The following LHFPL3 variants were observed in gnomAD, a reference collection of about 807,000 sequenced individuals.
LHFPL3 encodes LHFPL tetraspan subfamily member 3 protein.
Under a neutral mutation model 19.3 loss-of-function variants are expected in LHFPL3, and 5 were observed. The observed-to-expected ratio is 0.26, with a 90% confidence interval of 0.14 to 0.54. LHFPL3 has a LOEUF of 0.54. Among genes scored for constraint, LHFPL3 ranks in the 20% least tolerant of loss-of-function variants. The pLI, the probability that LHFPL3 is intolerant of heterozygous loss-of-function variation, is 0.94. For missense variants in LHFPL3, 249 were observed against 307.4 expected (o/e 0.81, Z 1.42); for synonymous variants, 133 against 126.2 (o/e 1.05, Z -0.36).
At chr7:104,418,880 C>A (rs1791675631) in intron 1 of LHFPL3, among the ~76,000 whole-genome samples, 1 of 152,202 alleles carries the variant, frequency 6.6e-6, no homozygotes, top group Admixed American at 6.5e-5. Context: ...CTGTGTCAGG[C>A]ACCGTGCTAA....
intron 1 of LHFPL3, among the ~76,000 whole-genome samples, chr7:104,637,326 C>G (rs1419688074): frequency 6.6e-6 from 1 of 152,050 alleles, no homozygotes; most frequent in Non-Finnish European, 1.5e-5. Context: ...ACCATTCTAA[C>G]AGTTGTCTCT....
At chr7:104,771,265 T>G (rs1023686029) in intron 2 of LHFPL3, among the ~76,000 whole-genome samples, 1 of 152,186 alleles carries the variant, frequency 6.6e-6, no homozygotes, top group African/African-American at 2.4e-5. Flanking sequence ...ACCTCACAGG[T>G]GTATGGCACT....
rs1266456300 is a variant in LHFPL3 at position 104,736,668 on chromosome 7, C to T, written c.446-7C>T. The T allele has an allele frequency of 4.4e-6, 7 of 1,593,950 alleles. No homozygotes were observed. Among genetic ancestry groups the T allele is most frequent in the Non-Finnish European group, 6.0e-6 (7 of 1,164,022 alleles). On this transcript the variant is annotated splice_polypyrimidine_tract_variant and splice_region_variant and intron_variant, in intron 1 of 2. Transcript: ENST00000424859. The stretch of plus-strand genomic sequence containing the variant: ...GTTTCTTTTGTTTTTCTCTCTTTCT[C>T]TCCAAGCTGCCTGCCTTGTGCTTGG...
At chr7:104,408,008 C>G (rs887589649) in intron 1 of LHFPL3, among the ~76,000 whole-genome samples, 1 of 152,194 alleles carries the variant, frequency 6.6e-6, no homozygotes, top group Non-Finnish European at 1.5e-5. Context: ...TAGACTGCCT[C>G]TGGATCTTCT....
intron 1 of LHFPL3, among the ~76,000 whole-genome samples, chr7:104,365,997 A>G (rs1790489438): frequency 6.6e-6 from 1 of 152,116 alleles, no homozygotes; most frequent in African/African-American, 2.4e-5. Context: ...GTTTTTCATT[A>G]TTTGACACAC....
chr7:104,541,623 G>A (rs528838228), intron 1 of LHFPL3, among the ~76,000 whole-genome samples: 14 of 152,224 alleles, frequency 9.2e-5, no homozygotes, highest in Admixed American at 5.9e-4. Flanking sequence ...GTGGGAGGAT[G>A]GAGCAAGATT....
chr7:104,417,844 A>G (rs1234890676), intron 1 of LHFPL3, among the ~76,000 whole-genome samples: 1 of 142,462 alleles, frequency 7.0e-6, no homozygotes, highest in Non-Finnish European at 1.5e-5. Context: ...TGTTATTCGT[A>G]TTTTCTTTTC....
chr7:104,687,509 G>C (rs1792829051), intron 1 of LHFPL3, among the ~76,000 whole-genome samples: 1 of 152,186 alleles, frequency 6.6e-6, no homozygotes, highest in Non-Finnish European at 1.5e-5. Context: ...TCATGCTTTG[G>C]TCTTCCCAGT....
At chr7:104,828,165 A>T (rs1184718152) in intron 2 of LHFPL3, among the ~76,000 whole-genome samples, 1 of 151,934 alleles carries the variant, frequency 6.6e-6, no homozygotes, top group African/African-American at 2.4e-5. Flanking sequence ...TGACTCATAA[A>T]TTGGCCATGG....
chr7:104,557,075 A>C (rs1383254037), intron 1 of LHFPL3, among the ~76,000 whole-genome samples: 1 of 152,122 alleles, frequency 6.6e-6, no homozygotes, highest in Non-Finnish European at 1.5e-5. Context: ...GCCCTTCAAC[A>C]AGTTTCTAGA....
intron 2 of LHFPL3, among the ~76,000 whole-genome samples, chr7:104,837,092 C>T (rs1791112717): frequency 6.6e-6 from 1 of 152,200 alleles, no homozygotes; most frequent in South Asian, 2.1e-4. Flanking sequence ...TTCATATCTG[C>T]CACCGATGGG....
intron 1 of LHFPL3, among the ~76,000 whole-genome samples, chr7:104,462,770 G>A (rs1394220454): frequency 6.6e-6 from 1 of 152,142 alleles, no homozygotes; most frequent in East Asian, 1.9e-4. Flanking sequence ...AGTTTGGGAG[G>A]AGTCCCTCCT....
intron 1 of LHFPL3, among the ~76,000 whole-genome samples, chr7:104,529,125 A>T (rs1294089632): frequency 6.6e-6 from 1 of 152,132 alleles, no homozygotes; most frequent in Non-Finnish European, 1.5e-5. Flanking sequence ...GAGATGGCTT[A>T]TTACCTCTTT....
chr7:104,654,265 G>A (rs921510338), intron 1 of LHFPL3, among the ~76,000 whole-genome samples: 8 of 152,196 alleles, frequency 5.3e-5, no homozygotes, highest in Non-Finnish European at 1.0e-4. Flanking sequence ...TTCAAGGGCC[G>A]ACCAGCAGAA....
At chr7:104,601,349 A>T (rs1175631215) in intron 1 of LHFPL3, among the ~76,000 whole-genome samples, 3 of 152,170 alleles carry the variant, frequency 2.0e-5, no homozygotes, top group Admixed American at 6.5e-5. Flanking sequence ...TCTCTATTTT[A>T]TCCTTTCAAC....
intron 2 of LHFPL3, among the ~76,000 whole-genome samples, chr7:104,857,450 G>C (rs1791530346): frequency 6.6e-6 from 1 of 152,064 alleles, no homozygotes; most frequent in South Asian, 2.1e-4. Context: ...CCAGGCTCTG[G>C]GGATACAAGA....
chr7:104,610,316 A>G (rs929468870), intron 1 of LHFPL3, among the ~76,000 whole-genome samples: 1 of 152,108 alleles, frequency 6.6e-6, no homozygotes, highest in African/African-American at 2.4e-5. Context: ...CTACTCAGTA[A>G]TATCTTCCCC....
At chr7:104,494,905 T>G (rs1402749389) in intron 1 of LHFPL3, among the ~76,000 whole-genome samples, 1 of 152,162 alleles carries the variant, frequency 6.6e-6, no homozygotes, top group Non-Finnish European at 1.5e-5. Context: ...AACAAGACTC[T>G]GTAGTTCTTC....
At chr7:104,508,159 C>T (rs1373938935) in intron 1 of LHFPL3, among the ~76,000 whole-genome samples, 3 of 152,004 alleles carry the variant, frequency 2.0e-5, no homozygotes, top group Non-Finnish European at 1.5e-5. Context: ...CACGTGCACA[C>T]GTATGTTTAT....
Sources: allele counts gnomAD v4.1 joint callset (sites outside exome capture counted in the v4.1 genomes callset), GRCh38; gene constraint gnomAD v4.1.1; transcripts MANE v1.5; gene names NCBI Gene and HGNC (gene_info 2026-07-23, HGNC 2026-07-21).